The following KRT8 variants were observed in gnomAD, a reference collection of about 807,000 sequenced individuals.
KRT8 encodes keratin 8, also known as keratin, type II cytoskeletal 8.
In KRT8, 24 loss-of-function variants were observed where a neutral mutation model predicts 43.0. The ratio of observed to expected loss-of-function variants is 0.56; its 90% CI spans 0.40 to 0.78. The LOEUF is 0.78. Ranked by LOEUF, KRT8 falls within the 30% of genes least tolerant of loss-of-function variation. The pLI, the probability that KRT8 is intolerant of heterozygous loss-of-function variation, is 0.00. For synonymous variants in KRT8, 214 were observed against 261.2 expected, an observed-to-expected ratio of 0.82 and a Z score of 1.74; for missense variants, 492 against 638.4, an observed-to-expected ratio of 0.77 and a Z score of 2.47.
Position 52,944,646 on chromosome 12 carries a change from G to T in KRT8, c.-47+4810C>A, listed in dbSNP as rs534978159. On this transcript the variant is annotated intron_variant, in intron 2 of 6. Coordinates refer to the KRT8 transcript ENST00000546826. The stretch of plus-strand genomic sequence containing the variant: ...GGTTCCCCGACTTCTCTGAGCTTCA[G>T]CGCCTGGAGGTTTCTGGGCAGCCAC... 6.6e-5 allele frequency among the ~76,000 whole-genome samples: 10 copies of T among 152,314 alleles called. No individual in the cohort carries two copies. In the South Asian group the frequency reaches 2.1e-3, roughly 32 times the overall value.
At position 52,938,207 on chromosome 12, in the gene KRT8, C is replaced by T. The variant is rs1407311477; in HGVS notation, c.-47+11249G>A. On this transcript the variant is annotated intron_variant, in intron 2 of 6. Coordinates refer to the KRT8 transcript ENST00000546826. ...TTTTATATATAAGGTCTTGCTCTGTCGCCCAGGCTGGAGTGCAGGGCCATG... is the reference window on the plus strand; with the variant it reads ...TTTTATATATAAGGTCTTGCTCTGTTGCCCAGGCTGGAGTGCAGGGCCATG... 4.4e-4 allele frequency among the ~76,000 whole-genome samples: 52 copies of T among 118,352 alleles called. 1 individual carries two copies. Among genetic ancestry groups the T allele is most frequent in the Non-Finnish European group, 6.6e-4 (38 of 57,672 alleles). 77.6% of individuals were successfully genotyped at this position (118,352 alleles called of 152,430 possible).
intron 2 of KRT8, 38 bp downstream of exon 2, chr12:52,901,826 C>T (rs775404125): frequency 2.1e-6 from 3 of 1,426,054 alleles, no homozygotes; most frequent in Admixed American, 1.7e-5. Flanking sequence ...GAGGAGAGCA[C>T]GGTGACTTCA....
rs374336147 is a variant in KRT8 at position 52,917,653 on chromosome 12, G to A, written c.-46-12626C>T. On this transcript the variant is annotated intron_variant, in intron 2 of 6. Coordinates refer to the KRT8 transcript ENST00000546826. ...GAACTCGGGAGGTGAAGTTTGCAGC[G>A]AGACAAGATTGTGCCATTGCACTCC... Among the ~76,000 whole-genome samples, 41 of 148,586 alleles carry A rather than the reference G, an allele frequency of 2.8e-4. No homozygotes were observed. In the South Asian group the frequency reaches 6.1e-3, roughly 22 times the overall value.
At chr12:52,922,122 G>A (rs1477840956) in intron 2 of KRT8, among the ~76,000 whole-genome samples, 3 of 140,612 alleles carry the variant, frequency 2.1e-5, no homozygotes, top group Admixed American at 1.5e-4. Flanking sequence ...TGAGGCTGTA[G>A]TGTACCATAA....
At chr12:52,915,251 T>C (rs1353999988) in intron 2 of KRT8, among the ~76,000 whole-genome samples, 1 of 151,734 alleles carries the variant, frequency 6.6e-6, no homozygotes, top group Non-Finnish European at 1.5e-5. Context: ...CGGGCACCTG[T>C]AGTCCCAGCT....
chr12:52,940,792 A>AT (rs1942255453), intron 2 of KRT8, among the ~76,000 whole-genome samples: 1 of 149,926 alleles, frequency 6.7e-6, no homozygotes, highest in African/African-American at 2.5e-5. Context: ...TGCCCCGCTA[A>AT]TTTTTTTGTA....
chr12:52,945,885 C>T (rs1226000261), intron 2 of KRT8, among the ~76,000 whole-genome samples: 2 of 152,078 alleles, frequency 1.3e-5, no homozygotes, highest in Non-Finnish European at 2.9e-5. Flanking sequence ...GCTTCCCACC[C>T]CCACCCCAGA....
At chr12:52,898,566 T>C (rs368300756) in intron 6 of KRT8, 47 bp from the exon 7 acceptor site, 181 of 1,612,852 alleles carry the variant, frequency 1.1e-4, no homozygotes, top group Non-Finnish European at 1.4e-4. Flanking sequence ...TAGCCCTTCT[T>C]GGCCCAGAAC....
intron 2 of KRT8, among the ~76,000 whole-genome samples, chr12:52,940,034 G>A (rs775842867): frequency 1.4e-4 from 21 of 152,100 alleles, no homozygotes; most frequent in Admixed American, 1.1e-3. Flanking sequence ...TCTATGCAAT[G>A]GAATATTATG....
upstream of KRT8, among the ~76,000 whole-genome samples, chr12:52,905,726 CACACACACACACACACACAT>C (rs373777350): frequency 6.7e-5 from 4 of 59,838 alleles, no homozygotes; most frequent in African/African-American, 5.4e-4. Context: ...CACGCGCACA[CACACACACACACACACACAT>C]ACACATACAC....
chr12:52,948,933 T>TG (rs1274460547), intron 2 of KRT8: 18 of 400,122 alleles, frequency 4.5e-5, no homozygotes, highest in Non-Finnish European at 7.8e-5. Context: ...ACCCCGTTTC[T>TG]GGGGGGTGAG....
At chr12:52,901,261 G>C (rs1364400928) in intron 2 of KRT8, 42 bp from the exon 3 acceptor site, 1 of 1,479,136 alleles carries the variant, frequency 6.8e-7, no homozygotes, top group Middle Eastern at 2.3e-4. Context: ...AAGGCAAAAG[G>C]GAGGTTGCCC....
intron 2 of KRT8, chr12:52,949,392 A>T (rs1296835508): frequency 8.1e-6 from 13 of 1,612,056 alleles, no homozygotes; most frequent in Non-Finnish European, 1.1e-5. Context: ...GTCTGGCAGG[A>T]ATGGGAGGCA....
chr12:52,925,670 G>C (rs1941975029), intron 2 of KRT8, among the ~76,000 whole-genome samples: 1 of 152,134 alleles, frequency 6.6e-6, no homozygotes. Flanking sequence ...CCAGCCCCAG[G>C]CCAGAAATTT....
intron 7 of KRT8, among the ~76,000 whole-genome samples, chr12:52,897,979 C>A (rs1387022162): frequency 2.0e-5 from 3 of 152,180 alleles, no homozygotes; most frequent in African/African-American, 7.2e-5. Context: ...GCCTGCCCAA[C>A]ACAGTGAAAC....
At chr12:52,916,161 G>A (rs1041695474) in intron 2 of KRT8, among the ~76,000 whole-genome samples, 1 of 152,192 alleles carries the variant, frequency 6.6e-6, no homozygotes, top group African/African-American at 2.4e-5. Context: ...GCAGGCTGCA[G>A]GAAGGGAGGA....
chr12:52,908,311 C>T (rs569042209), upstream of KRT8, among the ~76,000 whole-genome samples: 2 of 152,232 alleles, frequency 1.3e-5, no homozygotes, highest in South Asian at 4.1e-4. Context: ...CTGCAAGCTC[C>T]GCCTCCCGGG....
chr12:52,904,146 G>GA (rs901862982), intron 1 of KRT8, among the ~76,000 whole-genome samples: 16 of 151,662 alleles, frequency 1.1e-4, no homozygotes, highest in African/African-American at 3.4e-4. Flanking sequence ...AGAAAAGAAA[G>GA]AAAAAAAATC....
chr12:52,927,349 T>A (rs1942011131), intron 2 of KRT8, among the ~76,000 whole-genome samples: 1 of 152,126 alleles, frequency 6.6e-6, no homozygotes, highest in Non-Finnish European at 1.5e-5. Context: ...GGGGCCCAGA[T>A]TCAGTGACTC....
Sources: allele counts gnomAD v4.1 joint callset (sites outside exome capture counted in the v4.1 genomes callset), GRCh38; gene constraint gnomAD v4.1.1; transcripts MANE v1.5; gene names NCBI Gene and HGNC (gene_info 2026-07-23, HGNC 2026-07-21).